The following DNA2 variants were observed in gnomAD, a reference collection of about 807,000 sequenced individuals.
DNA2 encodes the protein DNA replication ATP-dependent helicase/nuclease DNA2.
In DNA2, 101 loss-of-function variants were observed where a neutral mutation model predicts 119.1. The observed-to-expected ratio is 0.85, with a 90% CI of 0.72 to 1.00. The LOEUF (loss-of-function observed/expected upper bound fraction) is 1.00, where lower values mean the gene tolerates loss of function less well. DNA2 is among the 50% of genes least tolerant of loss of function. The pLI, the probability that DNA2 is intolerant of heterozygous loss-of-function variation, is 0.00. For missense variants in DNA2, 1,121 were observed against 1,255.5 expected, an observed-to-expected ratio of 0.89 and a Z score of 1.62; for synonymous variants, 366 against 424.4, an observed-to-expected ratio of 0.86 and a Z score of 1.69.
At chr10:68,461,621 GAGTTTGAGATC>G (rs2052259838) in intron 4 of DNA2, 1 of 152,094 alleles carries the variant, frequency 6.6e-6, no homozygotes, top group South Asian at 2.1e-4. Flanking sequence ...CTGAGGTTGG[GAGTTTGAGATC>G]AGCCTGACCA....
Position 68,450,201 on chromosome 10 carries a change from C to T in DNA2, c.766G>A (p.Val256Met), listed in dbSNP as rs774153524. Reference sequence around the variant, plus strand: ...CTTTCTTCAATATCCATTGGTTTCACGACTTCAATGTTACATGTTGAATTA... The same window carrying T: ...CTTTCTTCAATATCCATTGGTTTCATGACTTCAATGTTACATGTTGAATTA... ...KDNSTCNIEV[V>M]KPMDIEESIW... The change falls in exon 6 of 21, where the codon GTG (valine) becomes ATG (methionine). Residue 256 changes from valine to methionine, a missense_variant. Transcript: ENST00000358410. The T allele has an allele frequency of 1.6e-5, 26 of 1,597,876 alleles. No homozygotes were observed. The highest frequency in any genetic ancestry group is 2.0e-5 in the Non-Finnish European group (23 of 1,171,630).
chr10:68,459,533 G>A (rs2052228322), intron 4 of DNA2, among the ~76,000 whole-genome samples: 1 of 152,324 alleles, frequency 6.6e-6, no homozygotes. Context: ...ATATTCATAT[G>A]AGGTACCTAC....
chr10:68,424,514 A>C lies in DNA2; in HGVS notation c.2209-1624T>G, dbSNP rs532372076. 2.9e-4 allele frequency: 190 copies of C among 650,006 alleles called. 2 individuals carry two copies. Among genetic ancestry groups the C allele is most frequent in the East Asian group, 2.2e-3 (80 of 36,400 alleles). The allele number at this position is 650,006 out of a possible 1,614,324, so 40.3% of individuals were successfully genotyped here. ...GTGAGTCACTGTCTCAAAAAAAAAAAAAAAAACAAAACAGGCCTGAGGCCG... is the reference window on the plus strand; with the variant it reads ...GTGAGTCACTGTCTCAAAAAAAAAACAAAAAACAAAACAGGCCTGAGGCCG... On this transcript the variant is annotated intron_variant, in intron 14 of 20. Coordinates refer to ENST00000358410, the MANE Select transcript of DNA2 (RefSeq NM_001080449.3).
Position 68,446,357 on chromosome 10 carries a change from C to A in DNA2, c.996G>T (p.Leu332Phe). 1 of 1,597,794 alleles carries A rather than the reference C, an allele frequency of 6.3e-7. No individual in the cohort carries two copies. Among genetic ancestry groups the A allele is most frequent in the East Asian group, 2.3e-5 (1 of 44,366 alleles). ...TCTGACCAGTCTTGAGGTAGAGAAG[C>A]AAGCCAGCCTCTGGATCAGCTCTTC... ...QERRADPEAG[L>F]LLYLKTGQMY... Residue 332 changes from leucine to phenylalanine, a missense_variant, in exon 7 of 21, where the codon TTG becomes TTT. By Grantham distance (22) the Leu-to-Phe change is conservative. Transcript: ENST00000358410.
chr10:68,438,728 G>C (rs1269938165), intron 9 of DNA2, among the ~76,000 whole-genome samples: 1 of 151,894 alleles, frequency 6.6e-6, no homozygotes, highest in East Asian at 1.9e-4. Flanking sequence ...TATTTCTGAA[G>C]TCATGTTATT....
chr10:68,422,815 C>A lies in DNA2; in HGVS notation c.2284G>T (p.Asp762Tyr). Residue 762 changes from aspartate to tyrosine, a missense_variant, in exon 15 of 21, where the codon GAT becomes TAT. Asp to Tyr is a radical substitution (Grantham distance 160). Transcript: ENST00000358410. ...GGTTGGCTAATTTGAGAGGCTTCATCCACAATACAAAAATCAAAAATTTTA... is the reference window on the plus strand; with the variant it reads ...GGTTGGCTAATTTGAGAGGCTTCATACACAATACAAAAATCAAAAATTTTA... ...SRKIFDFCIV[D>Y]EASQISQPIC... The A allele has an allele frequency of 6.2e-7, 1 of 1,609,810 alleles. No homozygotes were observed. Among genetic ancestry groups the A allele is most frequent in the Non-Finnish European group, 8.5e-7 (1 of 1,179,016 alleles).
At chr10:68,432,083 C>T (rs2133379345) in intron 12 of DNA2, 112 bp from the exon 13 acceptor site, 1 of 1,129,630 alleles carries the variant, frequency 8.9e-7, no homozygotes, top group Non-Finnish European at 1.3e-6. Context: ...AATACAAAAC[C>T]ATTTCCAAAG....
Position 68,441,844 on chromosome 10 carries a change from C to CTATAT in DNA2, c.1415+1072_1415+1073insATATA, listed in dbSNP as rs113328347. ...TTAATTTGCATTATACCAATATATACAACAATTTACTTTAAGATATACTCA... is the reference window on the plus strand; with the variant it reads ...TTAATTTGCATTATACCAATATATACTATATAACAATTTACTTTAAGATATACTCA... On this transcript the variant is annotated intron_variant, in intron 9 of 20. Coordinates refer to ENST00000358410, the MANE Select transcript of DNA2 (RefSeq NM_001080449.3). Among the ~76,000 whole-genome samples the CTATAT allele has an allele frequency of 4.7e-3, 716 of 151,830 alleles. 12 individuals are homozygous for CTATAT. Among genetic ancestry groups the CTATAT allele is most frequent in the African/African-American group, 0.017 (683 of 41,348 alleles).
intron 10 of DNA2, among the ~76,000 whole-genome samples, chr10:68,436,601 T>C (rs61855092): frequency 0.094 from 14,250 of 152,228 alleles, 997 homozygotes; most frequent in South Asian, 0.24. Context: ...CCTCAATTTA[T>C]TTAAAATAAA....
At chr10:68,472,096 A>T (rs771345239), upstream of DNA2, 1 of 1,541,680 alleles carries the variant, frequency 6.5e-7, no homozygotes, top group East Asian at 2.4e-5. Context: ...TCCCTTGCTT[A>T]GGACTGGGAA....
rs565326967 is a variant in DNA2, at chr10:68,454,870, A to G, written c.719+4234T>C. On this transcript the variant is annotated intron_variant, in intron 5 of 20. Transcript: ENST00000358410. ...AAGAAATAAAGGAGGAAGGAGGGGG[A>G]AAAAAGGAGGGAGGAGGAAGGAGGG... 6.9e-4 allele frequency among the ~76,000 whole-genome samples: 105 copies of G among 152,006 alleles called. 1 individual carries two copies. Among genetic ancestry groups the G allele is most frequent in the African/African-American group, 2.2e-3 (91 of 41,502 alleles).
chr10:68,419,294 C>T (rs1025033260), intron 18 of DNA2, 81 bp from the exon 19 acceptor site: 1 of 1,084,210 alleles, frequency 9.2e-7, no homozygotes, highest in Non-Finnish European at 1.2e-6. Context: ...TAAATGTTTA[C>T]ATTATGTGCC....
At chr10:68,417,371 A>C (rs1448876910) in intron 19 of DNA2, among the ~76,000 whole-genome samples, 2 of 138,838 alleles carry the variant, frequency 1.4e-5, no homozygotes, top group African/African-American at 5.5e-5. Context: ...TGAACTAAGG[A>C]GAGGTAAAAA....
chr10:68,464,987 C>G (rs2052309909), intron 4 of DNA2, among the ~76,000 whole-genome samples: 1 of 151,144 alleles, frequency 6.6e-6, no homozygotes. Flanking sequence ...ACCCCTATCT[C>G]CCCTCCAAAA....
chr10:68,466,589 T>A (rs1347489013), intron 3 of DNA2, among the ~76,000 whole-genome samples: 1 of 151,738 alleles, frequency 6.6e-6, no homozygotes, highest in Non-Finnish European at 1.5e-5. Context: ...CCTTTTTTTT[T>A]TTTTTTTGAG....
chr10:68,429,239 G>A (rs182260197), intron 14 of DNA2, among the ~76,000 whole-genome samples: 27 of 145,500 alleles, frequency 1.9e-4, no homozygotes, highest in African/African-American at 6.8e-4. Flanking sequence ...TTGGTGGAAG[G>A]TTCAATTAAA....
At chr10:68,444,188 G>A (rs570648769) in intron 8 of DNA2, among the ~76,000 whole-genome samples, 9 of 151,448 alleles carry the variant, frequency 5.9e-5, no homozygotes, top group African/African-American at 1.9e-4. Context: ...TCAAGAGATC[G>A]AGACCATCCT....
At chr10:68,451,117 A>T (rs1359145040) in intron 5 of DNA2, among the ~76,000 whole-genome samples, 1 of 150,784 alleles carries the variant, frequency 6.6e-6, no homozygotes, top group African/African-American at 2.4e-5. Context: ...AAAAAAAAAA[A>T]GAAGAGCTAT....
intron 5 of DNA2, among the ~76,000 whole-genome samples, chr10:68,456,945 T>C (rs568955066): frequency 1.2e-3 from 188 of 151,448 alleles, no homozygotes; most frequent in African/African-American, 4.0e-3. Context: ...CCATCCTGGC[T>C]AACACGGTGA....
Sources: allele counts gnomAD v4.1 joint callset (sites outside exome capture counted in the v4.1 genomes callset), GRCh38; gene constraint gnomAD v4.1.1; transcripts MANE v1.5; gene names NCBI Gene and HGNC (gene_info 2026-07-23, HGNC 2026-07-21).